TLL1: variants seen among roughly 807,000 people sequenced by gnomAD.
TLL1 encodes tolloid-like protein 1.
A neutral mutation model predicts 128.2 loss-of-function variants in TLL1; 49 were observed. That is an observed-to-expected ratio of 0.38 (90% CI 0.30 to 0.48). The LOEUF is 0.48. TLL1 is among the 20% of genes least tolerant of loss of function. TLL1 has a pLI of 0.96. For missense variants in TLL1, 1,123 were observed against 1,242.0 expected, an observed-to-expected ratio of 0.90 and a Z score of 1.44; for synonymous variants, 454 against 418.8, an observed-to-expected ratio of 1.08 and a Z score of -1.03.
intron 9 of TLL1, among the ~76,000 whole-genome samples, chr4:166,032,941 T>C (rs1738839085): frequency 6.6e-6 from 1 of 152,030 alleles, no homozygotes; most frequent in South Asian, 2.1e-4. Context: ...AAGTAGAAAA[T>C]TTAGTGAAGT....
At position 165,930,069 on chromosome 4, in the gene TLL1, G is replaced by A. The variant is rs555638527; in HGVS notation, c.169+55996G>A. Among the ~76,000 whole-genome samples the A allele has an allele frequency of 4.6e-5, 7 of 152,276 alleles. No individual in the cohort carries two copies. In the South Asian group the frequency reaches 1.2e-3, roughly 27 times the overall value. On this transcript the variant is annotated intron_variant, in intron 1 of 20. Coordinates refer to ENST00000061240, the MANE Select transcript of TLL1 (RefSeq NM_012464.5). ...CCCAGAAAGAGCAGACTTGGCTGGA[G>A]TTGAATCAGTACAGCTTTACTGATT...
At chr4:165,899,810 T>C (rs772574445) in intron 1 of TLL1, among the ~76,000 whole-genome samples, 28 of 152,160 alleles carry the variant, frequency 1.8e-4, no homozygotes, top group Non-Finnish European at 4.0e-4. Context: ...CTGTCTAATA[T>C]TGACAGTGGG....
At chr4:166,017,166 A>T (rs936866005) in intron 8 of TLL1, among the ~76,000 whole-genome samples, 1 of 151,984 alleles carries the variant, frequency 6.6e-6, no homozygotes, top group African/African-American at 2.4e-5. Flanking sequence ...TTCAGCTCCC[A>T]CTTATAAGTG....
rs75905913 is a variant in TLL1, at chr4:166,001,510, C to A, written c.633-1881C>A. Reference sequence around the variant, plus strand: ...GATAGAAAAACATCATTTTTTCTATCCATTGAGGCTGGCCACAATGGCCCA... The same window carrying A: ...GATAGAAAAACATCATTTTTTCTATACATTGAGGCTGGCCACAATGGCCCA... On this transcript the variant is annotated intron_variant, in intron 5 of 20. Transcript: ENST00000061240. 9.6e-3 allele frequency among the ~76,000 whole-genome samples: 1,463 copies of A among 151,838 alleles called. 23 individuals are homozygous for A. Among genetic ancestry groups the A allele is most frequent in the African/African-American group, 0.031 (1,297 of 41,442 alleles).
At chr4:165,941,597 A>G (rs561301131) in intron 1 of TLL1, among the ~76,000 whole-genome samples, 43 of 152,250 alleles carry the variant, frequency 2.8e-4, no homozygotes, top group African/African-American at 9.6e-4. Flanking sequence ...TCCTTAACAA[A>G]TTGTTTAGAT....
At position 166,104,027 on chromosome 4, in the gene TLL1, C is replaced by T. The variant is rs1742405908; in HGVS notation, c.*3151C>T. On this transcript the variant is annotated 3_prime_UTR_variant, in exon 21 of 21. Transcript: ENST00000061240. ...CTCAAATATCCCATTCCTATACTGG[C>T]TGGATTTTTGCTACCTGTCGCTCAT... 6.6e-6 allele frequency: 1 copy of T among 151,876 alleles called. No individual in the cohort carries two copies. Among genetic ancestry groups the T allele is most frequent in the African/African-American group, 2.4e-5 (1 of 41,380 alleles). The allele number at this position is 151,876 out of a possible 1,614,324, so 9.4% of individuals were successfully genotyped here.
At chr4:166,004,703 C>T (rs1427965306) in intron 6 of TLL1, among the ~76,000 whole-genome samples, 1 of 152,038 alleles carries the variant, frequency 6.6e-6, no homozygotes, top group African/African-American at 2.4e-5. Context: ...GCTACAATTA[C>T]AGAAAATTGA....
chr4:165,894,022 G>C (rs941128877), intron 1 of TLL1, among the ~76,000 whole-genome samples: 1 of 152,138 alleles, frequency 6.6e-6, no homozygotes, highest in Non-Finnish European at 1.5e-5. Flanking sequence ...GGAAACAATG[G>C]AAATGTTTAT....
chr4:166,094,522 T>A (rs567608363), intron 19 of TLL1, among the ~76,000 whole-genome samples: 1 of 152,282 alleles, frequency 6.6e-6, no homozygotes, highest in Admixed American at 6.5e-5. Flanking sequence ...AATCACAATT[T>A]GTTAGGCAAA....
chr4:165,958,744 T>G (rs1412775108), intron 1 of TLL1, among the ~76,000 whole-genome samples: 1 of 148,106 alleles, frequency 6.8e-6, no homozygotes, highest in Non-Finnish European at 1.5e-5. Flanking sequence ...TTTTGTCTTT[T>G]GTTGCCATTG....
chr4:166,090,388 A>C (rs1029423083), intron 18 of TLL1, among the ~76,000 whole-genome samples: 18 of 152,034 alleles, frequency 1.2e-4, no homozygotes, highest in African/African-American at 4.1e-4. Flanking sequence ...TTATACATTT[A>C]ATTATTTTTT....
chr4:165,982,952 G>A (rs1366805108), intron 1 of TLL1, among the ~76,000 whole-genome samples: 1 of 151,794 alleles, frequency 6.6e-6, no homozygotes, highest in Non-Finnish European at 1.5e-5. Flanking sequence ...AATATATGAC[G>A]TGGGAAATAT....
intron 15 of TLL1, among the ~76,000 whole-genome samples, chr4:166,062,382 C>T (rs2111120871): frequency 6.6e-6 from 1 of 152,284 alleles, no homozygotes; most frequent in African/African-American, 2.4e-5. Flanking sequence ...TTTGTGTCTT[C>T]TTTTATTTCG....
At position 166,100,888 on chromosome 4, in the gene TLL1, C is replaced by T; in HGVS notation, c.*12C>T. 2 of 1,611,960 alleles carry T rather than the reference C, an allele frequency of 1.2e-6. No individual in the cohort carries two copies. The highest frequency in any genetic ancestry group is 1.7e-6 in the Non-Finnish European group (2 of 1,178,900). Reference sequence around the variant, plus strand: ...ATACCAAAAAATAACACCAAAACCTCTGTCAGAACACAAAGGAATGTGCAT... The same window carrying T: ...ATACCAAAAAATAACACCAAAACCTTTGTCAGAACACAAAGGAATGTGCAT... On this transcript the variant is annotated 3_prime_UTR_variant, in exon 21 of 21. Coordinates refer to ENST00000061240, the MANE Select transcript of TLL1 (RefSeq NM_012464.5).
chr4:165,891,748 T>C (rs1731416397), intron 1 of TLL1, among the ~76,000 whole-genome samples: 1 of 152,212 alleles, frequency 6.6e-6, no homozygotes, highest in African/African-American at 2.4e-5. Flanking sequence ...CTTTCCCACA[T>C]CTTCCTGTCT....
chr4:165,950,997 T>C (rs1484460042), intron 1 of TLL1, among the ~76,000 whole-genome samples: 1 of 151,932 alleles, frequency 6.6e-6, no homozygotes, highest in Non-Finnish European at 1.5e-5. Flanking sequence ...ATCAATAACA[T>C]TGATAAAGTT....
At chr4:166,051,621 T>A (rs1739743128) in intron 12 of TLL1, among the ~76,000 whole-genome samples, 1 of 152,194 alleles carries the variant, frequency 6.6e-6, no homozygotes, top group Non-Finnish European at 1.5e-5. Flanking sequence ...GAAGTATAAT[T>A]ATGATTAGTA....
At chr4:166,009,729 T>C (rs1290792477) in intron 7 of TLL1, among the ~76,000 whole-genome samples, 1 of 151,464 alleles carries the variant, frequency 6.6e-6, no homozygotes, top group Non-Finnish European at 1.5e-5. Context: ...TTTATTAACT[T>C]ATATTTAAAT....
At chr4:165,970,640 TTTCCCGCATACTCTAAAA>T (rs1429729903) in intron 1 of TLL1, among the ~76,000 whole-genome samples, 3 of 152,142 alleles carry the variant, frequency 2.0e-5, no homozygotes, top group Admixed American at 2.0e-4. Flanking sequence ...CCTATTCAAA[TTTCCCGCATACTCTAAAA>T]TAAATAAATA....
Sources: gnomAD v4.1 joint callset for allele counts (sites outside exome capture counted in the v4.1 genomes callset) on GRCh38, gnomAD v4.1.1 for gene constraint, MANE v1.5 for transcripts, NCBI Gene and HGNC (gene_info 2026-07-23, HGNC 2026-07-21) for gene names.